CNBD1: variants seen among roughly 807,000 people sequenced by gnomAD.
CNBD1 encodes cyclic nucleotide binding domain containing 1, also known as cyclic nucleotide-binding domain-containing protein 1.
CNBD1 carries 71 observed loss-of-function variants against 54.4 expected under a neutral mutation model. The ratio of observed to expected loss-of-function variants is 1.30; its 90% CI spans 1.08 to 1.59. The LOEUF (loss-of-function observed/expected upper bound fraction) is 1.59. Ranked by LOEUF, CNBD1 falls within the 40% of genes most tolerant of loss-of-function variation. CNBD1 has a pLI of 0.00. For missense variants in CNBD1, 659 were observed against 518.0 expected, an observed-to-expected ratio of 1.27 and a Z score of -2.64; for synonymous variants, 182 against 170.7, an observed-to-expected ratio of 1.07 and a Z score of -0.51.
rs550155296 is a variant in CNBD1, at chr8:87,247,645, G to A, written c.771+10533G>A. 6.6e-5 allele frequency among the ~76,000 whole-genome samples: 10 copies of A among 152,138 alleles called. 1 individual carries two copies. The South Asian group carries it at 2.1e-3, about 32-fold the overall frequency. ...GATTTTTTTTCTATAAGAAATCTCT[G>A]GAGTGGCTCTCATAACTCAAAAACT... On this transcript the variant is annotated intron_variant, in intron 6 of 10. Transcript: ENST00000518476.
intron 4 of CNBD1, among the ~76,000 whole-genome samples, chr8:87,175,480 G>A (rs953609413): frequency 6.6e-6 from 1 of 152,118 alleles, no homozygotes; most frequent in African/African-American, 2.4e-5. Flanking sequence ...CCAGGACTAG[G>A]TCACTCCCTT....
rs55818900 is a variant in CNBD1 at position 86,878,012 on chromosome 8, C to A, written c.89-9530C>A. Among the ~76,000 whole-genome samples the A allele has an allele frequency of 6.2e-3, 929 of 149,592 alleles. 3 individuals are homozygous for A. Among genetic ancestry groups the A allele is most frequent in the South Asian group, 0.011 (52 of 4,758 alleles). On this transcript the variant is annotated intron_variant, in intron 1 of 10. Coordinates refer to ENST00000518476, the MANE Select transcript of CNBD1 (RefSeq NM_173538.3). The stretch of plus-strand genomic sequence containing the variant: ...CCTCTTATTTCCTGAATATTGCCTG[C>A]TTGTAATTTCTTTCTGTTTTCCTAT...
chr8:87,277,309 C>T (rs1402338023), intron 6 of CNBD1, among the ~76,000 whole-genome samples: 1 of 151,564 alleles, frequency 6.6e-6, no homozygotes, highest in Admixed American at 6.6e-5. Context: ...GCTATACAGG[C>T]CTTTAACTTT....
At chr8:87,125,931 T>C (rs1811981684) in intron 4 of CNBD1, among the ~76,000 whole-genome samples, 1 of 151,906 alleles carries the variant, frequency 6.6e-6, no homozygotes, top group South Asian at 2.1e-4. Context: ...GAATCATATA[T>C]TATTCTTTTG....
chr8:87,022,101 C>A (rs901084051), intron 4 of CNBD1, among the ~76,000 whole-genome samples: 1 of 152,028 alleles, frequency 6.6e-6, no homozygotes, highest in Non-Finnish European at 1.5e-5. Context: ...TGAATAGAGG[C>A]CTGCATCACG....
At chr8:87,206,181 G>T (rs771503956) in intron 5 of CNBD1, 43 bp downstream of exon 5, 98 of 1,420,458 alleles carry the variant, frequency 6.9e-5, no homozygotes, top group Non-Finnish European at 9.0e-5. Flanking sequence ...ATAAAATGCA[G>T]GCCACTGTTT....
chr8:87,172,880 T>C (rs961831484), intron 4 of CNBD1, among the ~76,000 whole-genome samples: 3 of 152,168 alleles, frequency 2.0e-5, no homozygotes, highest in African/African-American at 7.2e-5. Flanking sequence ...TCAATGTTAT[T>C]ATTGATAACT....
chr8:86,952,331 G>A (rs1179598506), intron 4 of CNBD1, among the ~76,000 whole-genome samples: 2 of 151,942 alleles, frequency 1.3e-5, no homozygotes, highest in African/African-American at 4.8e-5. Flanking sequence ...CAGTTATTTC[G>A]GGTTCACAGT....
At chr8:87,328,443 AT>A (rs574170379) in intron 8 of CNBD1, among the ~76,000 whole-genome samples, 13 of 149,812 alleles carry the variant, frequency 8.7e-5, no homozygotes, top group Non-Finnish European at 1.9e-4. Flanking sequence ...ATTGTGTTTA[AT>A]TTTTTTTCTG....
At chr8:87,071,177 G>T (rs1294702679) in intron 4 of CNBD1, among the ~76,000 whole-genome samples, 1 of 151,946 alleles carries the variant, frequency 6.6e-6, no homozygotes, top group African/African-American at 2.4e-5. Flanking sequence ...ATGTATTTTT[G>T]CATATTTTCA....
At chr8:87,033,591 C>T (rs1563443027) in intron 4 of CNBD1, among the ~76,000 whole-genome samples, 1 of 152,148 alleles carries the variant, frequency 6.6e-6, no homozygotes, top group South Asian at 2.1e-4. Context: ...ATGAATTGCA[C>T]AAAACTGTAG....
chr8:87,061,580 G>T (rs933396557), intron 4 of CNBD1, among the ~76,000 whole-genome samples: 7 of 152,028 alleles, frequency 4.6e-5, no homozygotes, highest in African/African-American at 1.7e-4. Context: ...AATTATTTTG[G>T]TTGAGTTCAC....
intron 4 of CNBD1, among the ~76,000 whole-genome samples, chr8:86,977,934 A>T (rs1294321802): frequency 6.6e-6 from 1 of 152,182 alleles, no homozygotes; most frequent in Non-Finnish European, 1.5e-5. Flanking sequence ...CAACAATAAA[A>T]GGAAGCTACA....
chr8:87,307,206 T>G (rs1487121745), intron 8 of CNBD1, among the ~76,000 whole-genome samples: 1 of 152,208 alleles, frequency 6.6e-6, no homozygotes, highest in Non-Finnish European at 1.5e-5. Flanking sequence ...TGATTAAATA[T>G]GTACTTACAA....
intron 6 of CNBD1, among the ~76,000 whole-genome samples, chr8:87,247,853 T>G (rs1348214860): frequency 6.6e-6 from 1 of 152,188 alleles, no homozygotes; most frequent in African/African-American, 2.4e-5. Context: ...ATTTTTCAGT[T>G]GTTAAGTTCA....
chr8:87,092,409 ATG>A (rs1166827669), intron 4 of CNBD1, among the ~76,000 whole-genome samples: 1 of 118,904 alleles, frequency 8.4e-6, no homozygotes, highest in African/African-American at 3.6e-5. Flanking sequence ...GTGTGTGTAT[ATG>A]TGTGTGTATG....
intron 4 of CNBD1, among the ~76,000 whole-genome samples, chr8:87,139,213 G>C (rs1812322464): frequency 1.3e-5 from 2 of 152,180 alleles, no homozygotes; most frequent in South Asian, 4.1e-4. Flanking sequence ...AAAGGAAGGT[G>C]ATAGCAGAAA....
At chr8:87,261,170 CA>C (rs1808133895) in intron 6 of CNBD1, among the ~76,000 whole-genome samples, 1 of 152,058 alleles carries the variant, frequency 6.6e-6, no homozygotes, top group Non-Finnish European at 1.5e-5. Flanking sequence ...TCATGACTTG[CA>C]AACCCAGTTT....
chr8:87,119,111 T>C (rs1054514693), intron 4 of CNBD1, among the ~76,000 whole-genome samples: 1 of 152,054 alleles, frequency 6.6e-6, no homozygotes, highest in Non-Finnish European at 1.5e-5. Context: ...TTTTAAGATT[T>C]TTTTTTCTAA....
Sources: gnomAD v4.1 joint callset for allele counts (sites outside exome capture counted in the v4.1 genomes callset) on GRCh38, gnomAD v4.1.1 for gene constraint, MANE v1.5 for transcripts, NCBI Gene and HGNC (gene_info 2026-07-23, HGNC 2026-07-21) for gene names.